Variants in PTPN21 observed in about 807,000 individuals in gnomAD.
The protein encoded by PTPN21 is tyrosine-protein phosphatase non-receptor type 21.
In PTPN21, 77 loss-of-function variants were observed where a neutral mutation model predicts 131.8. The observed-to-expected ratio is 0.58, with a 90% CI of 0.49 to 0.71. The LOEUF (loss-of-function observed/expected upper bound fraction) is 0.71, where lower values mean the gene tolerates loss of function less well. PTPN21 is among the 30% of genes least tolerant of loss of function. The pLI is 0.00. For missense variants in PTPN21, 1,552 were observed against 1,527.1 expected (o/e 1.02, Z -0.27); for synonymous variants, 715 against 621.3 (o/e 1.15, Z -2.24).
At position 88,468,063 on chromosome 14, in the gene PTPN21, A is replaced by G. The variant is rs1175001220; in HGVS notation, c.*74T>C. 1.3e-6 allele frequency: 2 copies of G among 1,531,566 alleles called. No individual in the cohort carries two copies. Among genetic ancestry groups the G allele is most frequent in the Non-Finnish European group, 9.0e-7 (1 of 1,112,156 alleles). The allele number at this position is 1,531,566 out of a possible 1,614,324, so 94.9% of individuals were successfully genotyped here. ...GTGGATCAAGTGTCAACGGGAAAGT[A>G]TGAGTTAGGCAAGCGCTTTTTTTTT... is the stretch of plus-strand genomic sequence containing the variant. On this transcript the variant is annotated 3_prime_UTR_variant, in exon 19 of 19. Transcript: ENST00000556564.
chr14:88,489,012 T>C (rs1324799591), intron 10 of PTPN21, among the ~76,000 whole-genome samples: 1 of 152,176 alleles, frequency 6.6e-6, no homozygotes, highest in Non-Finnish European at 1.5e-5. Context: ...AAGTTGCTCC[T>C]GGTCACATGG....
intron 3 of PTPN21, among the ~76,000 whole-genome samples, chr14:88,510,601 A>G (rs1447666418): frequency 2.0e-5 from 3 of 152,138 alleles, no homozygotes; most frequent in East Asian, 1.9e-4. Flanking sequence ...ACAAAACACA[A>G]TGGTCGAGAG....
intron 10 of PTPN21, among the ~76,000 whole-genome samples, chr14:88,495,026 A>G (rs1419768167): frequency 1.6e-5 from 2 of 124,396 alleles, no homozygotes; most frequent in African/African-American, 7.0e-5. Context: ...AAAAAAAAAA[A>G]AAAAAAAAAA....
At chr14:88,539,587 T>C (rs971904336) in intron 2 of PTPN21, among the ~76,000 whole-genome samples, 13 of 152,212 alleles carry the variant, frequency 8.5e-5, no homozygotes, top group African/African-American at 3.1e-4. Context: ...ATAGACAATA[T>C]CAACACTTGG....
At position 88,479,449 on chromosome 14, in the gene PTPN21, G is replaced by A; in HGVS notation, c.1982C>T (p.Ala661Val). ...RLKERTLSAS[A>V]AEVAPRAVSV... The stretch of plus-strand genomic sequence containing the variant: ...GACGGCTCGCGGCGCCACCTCTGCC[G>A]CCGACGCGGATAGGGTGCGCTCCTT... Residue 661 changes from alanine (A) to valine (V), a missense_variant, in exon 13 of 19, where the codon GCG (alanine) becomes GTG (valine). Transcript: ENST00000556564. 6.2e-7 allele frequency: 1 copy of A among 1,601,984 alleles called. No homozygotes were observed. Among genetic ancestry groups the A allele is most frequent in the Non-Finnish European group, 8.5e-7 (1 of 1,178,554 alleles).
rs551919814 is a variant in PTPN21 at position 88,545,315 on chromosome 14, G to A, written c.180+4923C>T. On this transcript the variant is annotated intron_variant, in intron 2 of 18. Transcript: ENST00000556564. ...TACTGCTTATAAATTACTAAACTTGGGTCCTGGTTTTACACATCATTTTTA... is the reference window on the plus strand; with the variant it reads ...TACTGCTTATAAATTACTAAACTTGAGTCCTGGTTTTACACATCATTTTTA... Among the ~76,000 whole-genome samples the A allele has an allele frequency of 2.6e-5, 4 of 152,194 alleles. No homozygotes were observed. The South Asian group carries it at 8.3e-4, about 32-fold the overall frequency.
intron 13 of PTPN21, among the ~76,000 whole-genome samples, chr14:88,475,296 G>GA (rs999679325): frequency 1.3e-5 from 2 of 152,060 alleles, no homozygotes; most frequent in African/African-American, 4.8e-5. Flanking sequence ...GGTGAGAGAG[G>GA]AAAAAAATCC....
chr14:88,480,015 C>T lies in PTPN21; in HGVS notation c.1416G>A (p.Leu472=). The T allele has an allele frequency of 6.2e-7, 1 of 1,613,444 alleles. No homozygotes were observed. The highest frequency in any genetic ancestry group is 8.5e-7 in the Non-Finnish European group (1 of 1,180,030). The change falls in exon 13 of 19, where the codon CTG becomes CTA. Residue 472 remains leucine, a synonymous_variant. Coordinates refer to ENST00000556564, the MANE Select transcript of PTPN21 (RefSeq NM_007039.4). ...ACGAGCTGCCGATGTTGAGGTTTCG[C>T]AGCGAGTGGCTCTGCCGTTCCGCAT... The part of the protein sequence containing the change: ...LVHAERQSHS[L]RNLNIGSSYA...
chr14:88,500,975 C>T (rs2077999461), intron 7 of PTPN21, 104 bp from the exon 8 acceptor site: 1 of 799,574 alleles, frequency 1.3e-6, no homozygotes, highest in Non-Finnish European at 2.2e-6. Context: ...GTTCCGAAGA[C>T]CTACAGAGTA....
chr14:88,469,846 G>C lies in PTPN21; in HGVS notation c.3000+76C>G, dbSNP rs771087200. On this transcript the variant is annotated intron_variant, in intron 16 of 18. Coordinates refer to ENST00000556564, the MANE Select transcript of PTPN21 (RefSeq NM_007039.4). This position sits in a 1 kb window ranked among gnomAD's most constrained non-coding sequence, Gnocchi z 4.3. ...ACCCTACCCTGCCTTTTTCTCCACAGGTCAGGATTCCAGATGATTAACATT... is the reference window on the plus strand; with the variant it reads ...ACCCTACCCTGCCTTTTTCTCCACACGTCAGGATTCCAGATGATTAACATT... The C allele has an allele frequency of 5.0e-6, 8 of 1,607,284 alleles. No individual in the cohort carries two copies. The South Asian group carries it at 8.8e-5, about 18-fold the overall frequency.
chr14:88,536,294 C>A (rs1429428173), intron 2 of PTPN21, among the ~76,000 whole-genome samples: 1 of 152,132 alleles, frequency 6.6e-6, no homozygotes, highest in Admixed American at 6.5e-5. Context: ...TCAATGATTT[C>A]TTCATAGTTG....
intron 2 of PTPN21, among the ~76,000 whole-genome samples, chr14:88,540,135 A>C (rs1461512913): frequency 2.6e-5 from 4 of 152,206 alleles, no homozygotes; most frequent in Admixed American, 1.3e-4. Flanking sequence ...ATTTTTCTCC[A>C]ATCCATTATT....
rs555397038 is a variant in PTPN21 at position 88,492,794 on chromosome 14, G to A, written c.932+3619C>T. On this transcript the variant is annotated intron_variant, in intron 10 of 18. Coordinates refer to ENST00000556564, the MANE Select transcript of PTPN21 (RefSeq NM_007039.4). ...AAAAGGAAGAGACAAAGGAGCAAAA[G>A]TGCTCTTCTCCCCTGTGACTCCCAT... 3 of 202,958 alleles carry A rather than the reference G, an allele frequency of 1.5e-5. No homozygotes were observed. In the East Asian group the frequency reaches 4.4e-4, roughly 30 times the overall value. 12.6% of individuals were successfully genotyped at this position (202,958 alleles called of 1,614,324 possible). A position where few individuals can be genotyped will look rare whatever the true frequency, so the allele number is the denominator to read the frequency against.
chr14:88,472,507 C>T (rs755622552), intron 14 of PTPN21, 42 bp from the exon 15 acceptor site: 9 of 1,212,712 alleles, frequency 7.4e-6, no homozygotes, highest in African/African-American at 6.0e-5. Context: ...TACAGCCACA[C>T]GTCGTGGCTA....
intron 4 of PTPN21, 73 bp downstream of exon 4, chr14:88,507,850 A>G: frequency 1.1e-6 from 1 of 896,520 alleles, no homozygotes; most frequent in African/African-American, 1.7e-5. Flanking sequence ...GATAACTTAA[A>G]AATCCCTTGC....
Position 88,479,076 on chromosome 14 carries a change from C to G in PTPN21, c.2355G>C (p.Arg785=). 6.3e-7 allele frequency: 1 copy of G among 1,597,520 alleles called. No homozygotes were observed. Among genetic ancestry groups the G allele is most frequent in the Non-Finnish European group, 8.5e-7 (1 of 1,172,774 alleles). The change falls in exon 13 of 19, where the codon CGG becomes CGC. Residue 785 remains arginine, a synonymous_variant. Coordinates refer to ENST00000556564, the MANE Select transcript of PTPN21 (RefSeq NM_007039.4). ...SPVRTTAEAQ[R]PWRDGLLMPS... is the part of the protein sequence containing the mutation. ...GCATCAGCAGCCCGTCTCTCCAGGG[C>G]CGCTGGGCCTCTGCGGTCGTGCGGA...
intron 2 of PTPN21, among the ~76,000 whole-genome samples, chr14:88,538,229 G>A (rs1171990299): frequency 6.6e-6 from 1 of 152,176 alleles, no homozygotes; most frequent in Non-Finnish European, 1.5e-5. Flanking sequence ...CATCACGAAA[G>A]GCAGCCAGCA....
At chr14:88,488,115 G>T (rs1169074118) in intron 10 of PTPN21, among the ~76,000 whole-genome samples, 1 of 152,228 alleles carries the variant, frequency 6.6e-6, no homozygotes, top group Non-Finnish European at 1.5e-5. Context: ...GTCTAGCAGA[G>T]ACTCACTGTC....
rs377713905 is a variant in PTPN21 at position 88,532,884 on chromosome 14, T to C, written c.181-15623A>G. Among the ~76,000 whole-genome samples, 808 of 152,280 alleles carry C rather than the reference T, an allele frequency of 5.3e-3. 5 individuals carry two copies. The highest frequency in any genetic ancestry group is 0.019 in the African/African-American group (784 of 41,558). ...AGAAACAAATAACTCCAAACATTAATTAGTCATGTATTCAACAACAATCAC... is the reference window on the plus strand; with the variant it reads ...AGAAACAAATAACTCCAAACATTAACTAGTCATGTATTCAACAACAATCAC... On this transcript the variant is annotated intron_variant, in intron 2 of 18. Transcript: ENST00000556564.
Sources: gnomAD v4.1 joint callset for allele counts (sites outside exome capture counted in the v4.1 genomes callset) on GRCh38, gnomAD v4.1.1 for gene constraint, Gnocchi (gnomAD v3.1) non-coding constraint, MANE v1.5 for transcripts, NCBI Gene and HGNC (gene_info 2026-07-23, HGNC 2026-07-21) for gene names.